Variants in OTUD7B observed in about 807,000 individuals in gnomAD.
The protein encoded by OTUD7B is OTU domain-containing protein 7B.
A neutral mutation model predicts 82.2 loss-of-function variants in OTUD7B; 34 were observed. That is an observed-to-expected ratio of 0.41 (90% confidence interval 0.31 to 0.55). The LOEUF (loss-of-function observed/expected upper bound fraction) is 0.55. Among genes scored for constraint, OTUD7B ranks in the 20% least tolerant of loss-of-function variants. The pLI is 0.20. For synonymous variants in OTUD7B, 398 were observed against 402.7 expected, an observed-to-expected ratio of 0.99 and a Z score of 0.14; for missense variants, 944 against 1,062.1, an observed-to-expected ratio of 0.89 and a Z score of 1.55.
At chr1:149,982,878 G>C (rs1213372194) in intron 1 of OTUD7B, among the ~76,000 whole-genome samples, 2 of 113,534 alleles carry the variant, frequency 1.8e-5, no homozygotes, top group Non-Finnish European at 3.3e-5. Context: ...ACGGAGTCTC[G>C]CTCTGTCTCC....
chr1:150,061,212 C>T, the OTUD7B span, among the ~76,000 whole-genome samples: 1 of 152,240 alleles, frequency 6.6e-6, no homozygotes, highest in East Asian at 1.9e-4. Context: ...TCTTCATACA[C>T]CTATCTATAG....
At chr1:150,063,352 G>A in the OTUD7B span, among the ~76,000 whole-genome samples, 2 of 152,132 alleles carry the variant, frequency 1.3e-5, no homozygotes, top group African/African-American at 2.4e-5. Flanking sequence ...TGAGGAGGCT[G>A]AGGCATGATA....
intron 7 of OTUD7B, among the ~76,000 whole-genome samples, chr1:149,957,787 G>C (rs1470239587): frequency 2.0e-5 from 3 of 152,182 alleles, no homozygotes; most frequent in Admixed American, 6.5e-5. Flanking sequence ...ATCTCAGACT[G>C]CTGTGCTAGC....
the OTUD7B span, chr1:150,053,970 A>G: frequency 5.0e-6 from 2 of 396,550 alleles, no homozygotes; most frequent in Non-Finnish European, 8.8e-6. Flanking sequence ...AAGGCTAAGA[A>G]GCCCAAGAAC....
At chr1:149,992,465 G>GTTTTT (rs1651639050) in intron 1 of OTUD7B, among the ~76,000 whole-genome samples, 6 of 45,986 alleles carry the variant, frequency 1.3e-4, no homozygotes, top group Admixed American at 2.9e-4. Context: ...TTGTGTGCAT[G>GTTTTT]TGTTTTTTTT....
Position 149,967,480 on chromosome 1 carries a change from T to C in OTUD7B, c.316A>G (p.Ile106Val). The C allele has an allele frequency of 4.3e-6, 7 of 1,613,316 alleles. No individual in the cohort carries two copies. The highest frequency in any genetic ancestry group is 5.1e-6 in the Non-Finnish European group (6 of 1,179,546). ...SRGISHASSS[I>V]VSLARSHVSS... is the part of the protein sequence containing the mutation. ...ACATGGGACCGGGCCAGGGAAACAA[T>C]GCTGGAGCTGGCGTGGGAGATGCCC... Residue 106 changes from isoleucine to valine, a missense_variant, in exon 4 of 12, where the codon ATT becomes GTT. Ile to Val is a conservative substitution (Grantham distance 29). Around this residue, in one of 3 missense-constraint regions of OTUD7B, gnomAD observed 530 missense variants for 625.6 expected, o/e 0.85. Coordinates refer to ENST00000581312, the MANE Select transcript of OTUD7B (RefSeq NM_020205.4).
At position 150,001,680 on chromosome 1, in the gene OTUD7B, A is replaced by G. The variant is rs1457481911; in HGVS notation, c.-67+8768T>C. Among the ~76,000 whole-genome samples the G allele has an allele frequency of 3.9e-5, 6 of 151,988 alleles. No individual in the cohort carries two copies. In the South Asian group the frequency reaches 8.3e-4, roughly 21 times the overall value. On this transcript the variant is annotated intron_variant, in intron 1 of 11. Transcript: ENST00000581312. Reference sequence around the variant, plus strand: ...CACCCCTTCCTTCTCCCAAATACTCACAAACAAAAACAAAATGTACCCTTG... The same window carrying G: ...CACCCCTTCCTTCTCCCAAATACTCGCAAACAAAAACAAAATGTACCCTTG...
intron 1 of OTUD7B, among the ~76,000 whole-genome samples, chr1:149,992,491 T>C (rs1651656419): frequency 8.1e-4 from 1 of 1,240 alleles, no homozygotes; most frequent in South Asian, 0.17. Context: ...TTTTTTTTTT[T>C]TTAGTACAGA....
Position 149,943,535 on chromosome 1 carries a change from C to A in OTUD7B, c.*322G>T. On this transcript the variant is annotated 3_prime_UTR_variant, in exon 12 of 12. Coordinates refer to ENST00000581312, the MANE Select transcript of OTUD7B (RefSeq NM_020205.4). ...CCACCTCCCACCCCCACACACCAAA[C>A]CTTCCCCTGCTACTTTCTCTTAGGT... 22 of 237,776 alleles carry A rather than the reference C, an allele frequency of 9.3e-5. No homozygotes were observed. Among genetic ancestry groups the A allele is most frequent in the East Asian group, 2.8e-4 (3 of 10,832 alleles). The allele number at this position is 237,776 out of a possible 1,614,324, so 14.7% of individuals were successfully genotyped here. A position where few individuals can be genotyped will look rare whatever the true frequency, so the allele number is the denominator to read the frequency against.
At chr1:150,011,302 A>ATAGTGCGTTTGTTATGTCTTC (rs1459132685), upstream of OTUD7B, among the ~76,000 whole-genome samples, 7 of 152,198 alleles carry the variant, frequency 4.6e-5, no homozygotes, top group Non-Finnish European at 7.3e-5. Flanking sequence ...AAAAACTTAC[A>ATAGTGCGTTTGTTATGTCTTC]TAGTGCGTTT....
At chr1:149,998,941 AT>A (rs1457706779) in intron 1 of OTUD7B, among the ~76,000 whole-genome samples, 6 of 151,916 alleles carry the variant, frequency 3.9e-5, no homozygotes, top group East Asian at 1.9e-4. Context: ...TGTTTCTCAC[AT>A]TTTTTTTCTT....
upstream of OTUD7B, among the ~76,000 whole-genome samples, chr1:150,014,637 T>C (rs1653217515): frequency 6.6e-6 from 1 of 152,102 alleles, no homozygotes; most frequent in Non-Finnish European, 1.5e-5. Context: ...AGTACAAATT[T>C]AAAAAACAAA....
At chr1:150,015,230 C>T (rs1653230167), upstream of OTUD7B, among the ~76,000 whole-genome samples, 2 of 151,208 alleles carry the variant, frequency 1.3e-5, no homozygotes, top group South Asian at 2.1e-4. Flanking sequence ...ATCCCAGGCC[C>T]TCTATCTGCT....
chr1:150,049,721 C>A, the OTUD7B span, among the ~76,000 whole-genome samples: 4 of 145,564 alleles, frequency 2.7e-5, no homozygotes, highest in African/African-American at 7.7e-5. Context: ...TCCCGAGTAG[C>A]TAGGACCACA....
chr1:149,973,776 G>A (rs797042134), intron 2 of OTUD7B, among the ~76,000 whole-genome samples: 6 of 151,772 alleles, frequency 4.0e-5, no homozygotes, highest in African/African-American at 1.2e-4. Context: ...GTGAGCCACC[G>A]CACCTGGCCT....
the OTUD7B span, among the ~76,000 whole-genome samples, chr1:150,020,355 G>C: frequency 6.6e-6 from 1 of 152,118 alleles, no homozygotes; most frequent in Non-Finnish European, 1.5e-5. Flanking sequence ...GAATAACATG[G>C]TGAAACCCTG....
intron 1 of OTUD7B, among the ~76,000 whole-genome samples, chr1:149,995,698 C>A (rs1553783209): frequency 1.3e-5 from 2 of 152,142 alleles, no homozygotes; most frequent in Non-Finnish European, 2.9e-5. Flanking sequence ...AAGTCTTCAG[C>A]ATTTTTTTTA....
the OTUD7B span, among the ~76,000 whole-genome samples, chr1:150,064,803 A>T: frequency 6.6e-6 from 1 of 152,238 alleles, no homozygotes; most frequent in Non-Finnish European, 1.5e-5. Context: ...AACATGAAGC[A>T]ACAAGGATTA....
the OTUD7B span, among the ~76,000 whole-genome samples, chr1:150,018,002 T>C: frequency 6.6e-6 from 1 of 152,184 alleles, no homozygotes; most frequent in Non-Finnish European, 1.5e-5. Context: ...GCTGTTCCCA[T>C]GTTGCTTATG....
Sources: allele counts gnomAD v4.1 joint callset (sites outside exome capture counted in the v4.1 genomes callset), GRCh38; gene constraint gnomAD v4.1.1; regional missense constraint gnomAD v4.1.1; transcripts MANE v1.5; gene names NCBI Gene and HGNC (gene_info 2026-07-23, HGNC 2026-07-21).